Variants in ISCA1 observed in about 807,000 individuals in gnomAD.
The protein encoded by ISCA1 is iron-sulfur cluster assembly 1, also known as iron-sulfur cluster assembly 1 homolog, mitochondrial.
In ISCA1, 9 loss-of-function variants were observed where a neutral mutation model predicts 14.7. The ratio of observed to expected loss-of-function variants is 0.61; its 90% CI spans 0.37 to 1.07. ISCA1 has a LOEUF of 1.07. Among genes scored for constraint, ISCA1 ranks in the 50% least tolerant of loss-of-function variants. ISCA1 has a pLI of 0.01. For synonymous variants in ISCA1, 38 were observed against 54.3 expected (o/e 0.70, Z 1.32); for missense variants, 102 against 150.1 (o/e 0.68, Z 1.67).
intron 3 of ISCA1, among the ~76,000 whole-genome samples, chr9:86,271,571 C>T (rs1825369146): frequency 6.6e-6 from 1 of 152,170 alleles, no homozygotes; most frequent in Non-Finnish European, 1.5e-5. Context: ...TCAACTCGTA[C>T]TTATTTGACA....
intron 3 of ISCA1, among the ~76,000 whole-genome samples, chr9:86,270,025 G>T (rs1382556006): frequency 6.6e-6 from 1 of 151,566 alleles, no homozygotes; most frequent in Non-Finnish European, 1.5e-5. Flanking sequence ...TCAGGACATA[G>T]GCATGGGAAA....
chr9:86,277,782 C>T (rs1442968235), intron 1 of ISCA1, among the ~76,000 whole-genome samples: 2 of 152,136 alleles, frequency 1.3e-5, no homozygotes, highest in African/African-American at 4.8e-5. Flanking sequence ...CTGAAGCCCA[C>T]TAAAATATGA....
intron 1 of ISCA1, chr9:86,281,922 G>A (rs1825521750): frequency 6.4e-6 from 1 of 156,592 alleles, no homozygotes; most frequent in African/African-American, 2.4e-5. Context: ...CTGTCGCCCC[G>A]ACACAGCGGT....
At chr9:86,278,628 C>T (rs1364258530) in intron 1 of ISCA1, among the ~76,000 whole-genome samples, 1 of 152,154 alleles carries the variant, frequency 6.6e-6, no homozygotes, top group Non-Finnish European at 1.5e-5. Flanking sequence ...CATGATCATG[C>T]CACTGCATAT....
intron 1 of ISCA1, among the ~76,000 whole-genome samples, chr9:86,281,479 G>T (rs1346140025): frequency 6.6e-6 from 1 of 152,162 alleles, no homozygotes; most frequent in African/African-American, 2.4e-5. Context: ...ATGTAGGAAC[G>T]TGATCATAAA....
At chr9:86,271,517 G>C (rs1825368454) in intron 3 of ISCA1, among the ~76,000 whole-genome samples, 1 of 152,132 alleles carries the variant, frequency 6.6e-6, no homozygotes, top group African/African-American at 2.4e-5. Flanking sequence ...TTAAAGTTTT[G>C]AATTTGGGAG....
intron 1 of ISCA1, among the ~76,000 whole-genome samples, chr9:86,278,661 T>C (rs537206650): frequency 6.6e-6 from 1 of 152,280 alleles, no homozygotes; most frequent in African/African-American, 2.4e-5. Context: ...CAGAGGAAGA[T>C]CCTGTCTCTA....
chr9:86,282,495 G>A lies in ISCA1; in HGVS notation c.-37C>T, dbSNP rs1337775870. On this transcript the variant is annotated 5_prime_UTR_variant, in exon 1 of 4. Coordinates refer to ENST00000375991, the MANE Select transcript of ISCA1 (RefSeq NM_030940.4). ...CGGCGCCCCGGTGCCTCGGGCCGAAGGTCGGCCGCCTCAGCTTCTCTCCAT... is the reference window on the plus strand; with the variant it reads ...CGGCGCCCCGGTGCCTCGGGCCGAAAGTCGGCCGCCTCAGCTTCTCTCCAT... The A allele has an allele frequency of 7.7e-6, 12 of 1,549,902 alleles. No homozygotes were observed. The highest frequency in any genetic ancestry group is 1.0e-5 in the Non-Finnish European group (12 of 1,146,746).
At chr9:86,276,632 C>T (rs1381111748) in intron 1 of ISCA1, among the ~76,000 whole-genome samples, 1 of 152,000 alleles carries the variant, frequency 6.6e-6, no homozygotes, top group Non-Finnish European at 1.5e-5. Flanking sequence ...CACTTGAGGT[C>T]AGCCAAGGTG....
At chr9:86,275,362 C>T (rs1825427891) in intron 1 of ISCA1, among the ~76,000 whole-genome samples, 1 of 152,122 alleles carries the variant, frequency 6.6e-6, no homozygotes, top group African/African-American at 2.4e-5. Flanking sequence ...CTTGTGAAGT[C>T]TCAAAGTCTG....
At chr9:86,272,600 C>A (rs918590296) in intron 2 of ISCA1, among the ~76,000 whole-genome samples, 10 of 152,204 alleles carry the variant, frequency 6.6e-5, no homozygotes, top group African/African-American at 2.4e-4. Flanking sequence ...TACATTAATG[C>A]AATTTTCAAA....
chr9:86,273,578 A>T (rs1825401286), intron 2 of ISCA1, among the ~76,000 whole-genome samples: 1 of 152,224 alleles, frequency 6.6e-6, no homozygotes, highest in African/African-American at 2.4e-5. Context: ...AGCCATTATT[A>T]AGGGTAAAAA....
chr9:86,274,395 T>C (rs1237594286), intron 1 of ISCA1, among the ~76,000 whole-genome samples, 153 bp from the exon 2 acceptor site: 3 of 152,170 alleles, frequency 2.0e-5, no homozygotes, highest in Non-Finnish European at 4.4e-5. Context: ...TAGAAACACA[T>C]AAACTATACC....
rs772585289 is a variant in ISCA1, at chr9:86,282,510, C to T, written c.-52G>A. 2.0e-5 allele frequency: 31 copies of T among 1,549,670 alleles called. No individual in the cohort carries two copies. Among genetic ancestry groups the T allele is most frequent in the East Asian group, 2.4e-5 (1 of 40,916 alleles). Reference sequence around the variant, plus strand: ...TCGGGCCGAAGGTCGGCCGCCTCAGCTTCTCTCCATGGACACGGCGGGCGC... The same window carrying T: ...TCGGGCCGAAGGTCGGCCGCCTCAGTTTCTCTCCATGGACACGGCGGGCGC... On this transcript the variant is annotated 5_prime_UTR_variant, in exon 1 of 4. Transcript: ENST00000375991.
chr9:86,272,346 G>A (rs1825381391), intron 2 of ISCA1, among the ~76,000 whole-genome samples: 1 of 152,142 alleles, frequency 6.6e-6, no homozygotes. Flanking sequence ...CGTCCAGCCT[G>A]GGACTTTATT....
At chr9:86,276,546 A>G (rs950657829) in intron 1 of ISCA1, among the ~76,000 whole-genome samples, 3 of 152,200 alleles carry the variant, frequency 2.0e-5, no homozygotes, top group African/African-American at 7.2e-5. Flanking sequence ...AGTTTATTTT[A>G]AAAAGGCATA....
intron 2 of ISCA1, among the ~76,000 whole-genome samples, chr9:86,272,795 C>T (rs1401702474): frequency 1.3e-5 from 2 of 152,160 alleles, no homozygotes; most frequent in South Asian, 2.1e-4. Flanking sequence ...TTCCCCTGTA[C>T]TTTAAATAAC....
chr9:86,267,716 C>G, intron 3 of ISCA1: 1 of 398,686 alleles, frequency 2.5e-6, no homozygotes, highest in Non-Finnish European at 3.4e-6. Context: ...GCCTATAATC[C>G]CAGCTACTTG....
chr9:86,273,089 A>G (rs1825392705), intron 2 of ISCA1, among the ~76,000 whole-genome samples: 2 of 152,226 alleles, frequency 1.3e-5, no homozygotes, highest in South Asian at 4.1e-4. Context: ...TAGTCTACTC[A>G]TCGGTCTATC....
Sources: allele counts gnomAD v4.1 joint callset (sites outside exome capture counted in the v4.1 genomes callset), GRCh38; gene constraint gnomAD v4.1.1; transcripts MANE v1.5; gene names NCBI Gene and HGNC (gene_info 2026-07-23, HGNC 2026-07-21).